NHSL1: variants seen among roughly 807,000 people sequenced by gnomAD.
The protein encoded by NHSL1 is NHS-like protein 1.
In NHSL1, 48 loss-of-function variants were observed where a neutral mutation model predicts 95.0. That is an observed-to-expected ratio of 0.51 (90% CI 0.40 to 0.64). NHSL1 has a LOEUF of 0.64. Ranked by LOEUF, NHSL1 falls within the 30% of genes least tolerant of loss-of-function variation. NHSL1 has a pLI of 0.00. For synonymous variants in NHSL1, 783 were observed against 833.9 expected (o/e 0.94, Z 1.05); for missense variants, 1,971 against 2,077.7 (o/e 0.95, Z 1.00).
intron 1 of NHSL1, among the ~76,000 whole-genome samples, chr6:138,664,228 T>C (rs1289281035): frequency 1.3e-5 from 2 of 152,202 alleles, no homozygotes; most frequent in East Asian, 3.8e-4. Context: ...ATTTTAATGT[T>C]TCTCCTTTTC....
chr6:138,439,740 T>C (rs1776409477), intron 5 of NHSL1, among the ~76,000 whole-genome samples: 1 of 152,194 alleles, frequency 6.6e-6, no homozygotes, highest in African/African-American at 2.4e-5. Flanking sequence ...TCGACCGTAA[T>C]GATATTGACT....
chr6:138,460,751 T>C (rs961857928), intron 3 of NHSL1, among the ~76,000 whole-genome samples: 3 of 151,736 alleles, frequency 2.0e-5, no homozygotes, highest in Admixed American at 6.6e-5. Context: ...TTAAAAAATG[T>C]GTTAGAGATT....
intron 1 of NHSL1, among the ~76,000 whole-genome samples, chr6:138,527,673 T>C (rs1781966542): frequency 6.6e-6 from 1 of 152,206 alleles, no homozygotes; most frequent in South Asian, 2.1e-4. Context: ...AGATCCTCTT[T>C]GAGGCTCCAG....
chr6:138,458,638 C>CTAA (rs1777783655), intron 3 of NHSL1, among the ~76,000 whole-genome samples: 1 of 152,084 alleles, frequency 6.6e-6, no homozygotes, highest in Non-Finnish European at 1.5e-5. Flanking sequence ...ACCATCCTGG[C>CTAA]CACATGGTGA....
Position 138,669,089 on chromosome 6 carries a change from G to A in NHSL1, c.96+23387C>T, listed in dbSNP as rs541354106. On this transcript the variant is annotated intron_variant, in intron 1 of 3. Transcript: ENST00000491526. ...TTCTGGTCTGATGGCTAAAAGCATG[G>A]TGGTATCCTTCATAGAACAGGGGAG... is the stretch of plus-strand genomic sequence containing the variant. Among the ~76,000 whole-genome samples the A allele has an allele frequency of 2.6e-5, 4 of 152,220 alleles. No homozygotes were observed. The South Asian group carries it at 8.3e-4, about 32-fold the overall frequency.
intron 1 of NHSL1, among the ~76,000 whole-genome samples, chr6:138,617,282 C>A (rs554099517): frequency 6.6e-6 from 1 of 152,152 alleles, no homozygotes; most frequent in African/African-American, 2.4e-5. Flanking sequence ...ATCTTTCAGG[C>A]GGTGGGAAGG....
At chr6:138,579,624 A>G (rs1000872926) in intron 1 of NHSL1, among the ~76,000 whole-genome samples, 14 of 152,214 alleles carry the variant, frequency 9.2e-5, no homozygotes, top group African/African-American at 2.7e-4. Context: ...AGTGCAATCA[A>G]CAGTGAGCCA....
At chr6:138,582,143 C>T (rs912251901) in intron 1 of NHSL1, among the ~76,000 whole-genome samples, 5 of 152,004 alleles carry the variant, frequency 3.3e-5, no homozygotes, top group African/African-American at 1.2e-4. Context: ...GTGATTCGCC[C>T]GCCTCAGCCT....
Position 138,430,671 on chromosome 6 carries a change from C to T in NHSL1, c.3674G>A (p.Arg1225Gln), listed in dbSNP as rs758675447. The T allele has an allele frequency of 3.2e-6, 5 of 1,551,626 alleles. No homozygotes were observed. In the South Asian group the frequency reaches 3.6e-5, roughly 11 times the overall value. The change falls in exon 6 of 8, where the codon CGA becomes CAA. Residue 1225 changes from arginine to glutamine, a missense_variant. Physicochemically the swap from Arg to Gln is conservative, Grantham distance 43. Around this residue, in one of 3 missense-constraint regions of NHSL1, gnomAD observed 1,602 missense variants for 1,654.5 expected, o/e 0.97. Coordinates refer to ENST00000343505, the MANE Select transcript of NHSL1 (RefSeq NM_001144060.2). This position sits in a 1 kb window ranked among gnomAD's most constrained non-coding sequence, Gnocchi z 4.7. Reference sequence around the variant, plus strand: ...TCCCGTCGTGGGGCTGGGCACAGCTCGGAGGGCTTCGCTCACGTTCTCTGC... The same window carrying T: ...TCCCGTCGTGGGGCTGGGCACAGCTTGGAGGGCTTCGCTCACGTTCTCTGC... ...EPAENVSEAL[R>Q]AVPSPTTGEE... is the part of the protein sequence containing the mutation.
chr6:138,522,587 G>C (rs952804409), intron 1 of NHSL1, among the ~76,000 whole-genome samples: 8 of 152,204 alleles, frequency 5.3e-5, no homozygotes, highest in African/African-American at 1.9e-4. Context: ...GTTGCAGTGA[G>C]CCGAGATCAC....
rs532647036 is a variant in NHSL1 at position 138,623,765 on chromosome 6, T to C, written c.96+68711A>G. ...TGTCCCCACCCAAAATCATCTTGAA[T>C]TGTAACCTCCATAATCCCAATAACC... is the stretch of plus-strand genomic sequence containing the variant. On this transcript the variant is annotated intron_variant, in intron 1 of 3. Transcript: ENST00000491526. 1.8e-4 allele frequency among the ~76,000 whole-genome samples: 27 copies of C among 152,272 alleles called. 1 individual carries two copies. Among genetic ancestry groups the C allele is most frequent in the Admixed American group, 1.2e-3 (19 of 15,282 alleles).
rs1775536370 is a variant in NHSL1 at position 138,430,121 on chromosome 6, ACC to A, written c.3952+270_3952+271del. On this transcript the variant is annotated intron_variant, in intron 6 of 7. Coordinates refer to ENST00000343505, the MANE Select transcript of NHSL1 (RefSeq NM_001144060.2). The surrounding 1 kb of genome is among the most constrained non-coding windows in gnomAD (Gnocchi z 4.7). The stretch of plus-strand genomic sequence containing the variant: ...CGCGGCTCTTCGGAAGGGAGGTGTT[ACC>A]CATTGCTATTTAATACCCAGCCTGC... Among the ~76,000 whole-genome samples the A allele has an allele frequency of 6.6e-6, 1 of 152,162 alleles. No homozygotes were observed. The highest frequency in any genetic ancestry group is 1.5e-5 in the Non-Finnish European group (1 of 68,028).
intron 1 of NHSL1, among the ~76,000 whole-genome samples, chr6:138,560,758 A>AAT (rs1314994769): frequency 6.6e-6 from 1 of 152,192 alleles, no homozygotes; most frequent in Non-Finnish European, 1.5e-5. Context: ...AGACTAAAGC[A>AAT]ATACCCACCC....
intron 1 of NHSL1, among the ~76,000 whole-genome samples, chr6:138,568,506 T>A (rs888773009): frequency 2.0e-5 from 3 of 152,218 alleles, no homozygotes; most frequent in Admixed American, 6.5e-5. Context: ...AGTCAAAACA[T>A]CATCTACTAC....
intron 1 of NHSL1, among the ~76,000 whole-genome samples, chr6:138,526,040 C>T (rs1781891108): frequency 6.7e-6 from 1 of 150,342 alleles, no homozygotes; most frequent in Non-Finnish European, 1.5e-5. Context: ...TTGCACTGAG[C>T]CGAGATCATG....
In NHSL1 at chr6:138,600,389, C is replaced by A. The variant is rs116476163; in HGVS notation, c.96+92087G>T. Among the ~76,000 whole-genome samples the A allele has an allele frequency of 8.5e-4, 129 of 152,238 alleles. 1 individual carries two copies. The highest frequency in any genetic ancestry group is 3.0e-3 in the African/African-American group (123 of 41,542). On this transcript the variant is annotated intron_variant, in intron 1 of 3. Coordinates refer to the NHSL1 transcript ENST00000491526. Reference sequence around the variant, plus strand: ...GTTGGGACTATAGGCATGAGCCTGGCAACCTTCCTTCAATTTGAACTAGCA... The same window carrying A: ...GTTGGGACTATAGGCATGAGCCTGGAAACCTTCCTTCAATTTGAACTAGCA...
At chr6:138,598,742 C>T (rs1414201387) in intron 1 of NHSL1, among the ~76,000 whole-genome samples, 7 of 151,830 alleles carry the variant, frequency 4.6e-5, no homozygotes, top group Admixed American at 4.6e-4. Flanking sequence ...GCTGACCAGA[C>T]TAAAACAACG....
At chr6:138,627,665 C>T (rs796796501) in intron 1 of NHSL1, among the ~76,000 whole-genome samples, 102 of 152,034 alleles carry the variant, frequency 6.7e-4, no homozygotes, top group African/African-American at 2.4e-3. Context: ...AGGTGGATCA[C>T]GAGGTCAGGA....
chr6:138,551,043 T>C (rs1215554866), intron 1 of NHSL1, among the ~76,000 whole-genome samples: 1 of 152,200 alleles, frequency 6.6e-6, no homozygotes, highest in Non-Finnish European at 1.5e-5. Flanking sequence ...CAGAGAGAGA[T>C]ATCAAGACAG....
Sources: gnomAD v4.1 joint callset for allele counts (sites outside exome capture counted in the v4.1 genomes callset) on GRCh38, gnomAD v4.1.1 for gene constraint, gnomAD v4.1.1 regional missense constraint, Gnocchi (gnomAD v3.1) non-coding constraint, MANE v1.5 for transcripts, NCBI Gene and HGNC (gene_info 2026-07-23, HGNC 2026-07-21) for gene names.